The following ATG2B variants were observed in gnomAD, a reference collection of about 807,000 sequenced individuals.
ATG2B encodes the protein autophagy related 2B, also known as autophagy-related protein 2 homolog B.
Under a neutral mutation model 241.3 loss-of-function variants are expected in ATG2B, and 121 were observed. That is an observed-to-expected ratio of 0.50 (90% confidence interval 0.43 to 0.58). The LOEUF (loss-of-function observed/expected upper bound fraction) is 0.58, where lower values mean the gene tolerates loss of function less well. Ranked by LOEUF, ATG2B falls within the 20% of genes least tolerant of loss-of-function variation. ATG2B has a pLI of 0.00. For missense variants in ATG2B, 2,306 were observed against 2,491.6 expected, an observed-to-expected ratio of 0.93 and a Z score of 1.59; for synonymous variants, 858 against 876.6, an observed-to-expected ratio of 0.98 and a Z score of 0.37.
chr14:96,351,029 C>T (rs1437709980), intron 1 of ATG2B, among the ~76,000 whole-genome samples: 1 of 152,168 alleles, frequency 6.6e-6, no homozygotes, highest in African/African-American at 2.4e-5. Context: ...GCCAGCAGTA[C>T]ATTTTCTATC....
At chr14:96,352,642 AT>A (rs1888358455) in intron 1 of ATG2B, among the ~76,000 whole-genome samples, 1 of 151,752 alleles carries the variant, frequency 6.6e-6, no homozygotes, top group African/African-American at 2.4e-5. Context: ...ATACAAAAAA[AT>A]GCTTATAGCA....
Position 96,279,741 on chromosome 14 carries a change from C to T in ATG2B, c.*6014G>A, listed in dbSNP as rs1886148435. The T allele has an allele frequency of 6.6e-6, 1 of 152,304 alleles. No individual in the cohort carries two copies. Among genetic ancestry groups the T allele is most frequent in the Non-Finnish European group, 1.5e-5 (1 of 68,114 alleles). 9.4% of individuals were successfully genotyped at this position (152,304 alleles called of 1,614,324 possible). A position where few individuals can be genotyped will look rare whatever the true frequency, so the allele number is the denominator to read the frequency against. ...CTTGCCCCAGGCTGTGCATGATTTT[C>T]CCCAGGAGAGCTCTTAGCCCAGTGA... is the stretch of plus-strand genomic sequence containing the variant. On this transcript the variant is annotated 3_prime_UTR_variant, in exon 42 of 42. Transcript: ENST00000359933.
At chr14:96,347,088 A>G (rs1308650397) in intron 2 of ATG2B, 91 bp downstream of exon 2, 55 of 1,201,598 alleles carry the variant, frequency 4.6e-5, no homozygotes, top group Non-Finnish European at 6.0e-5. Flanking sequence ...CACAAATACA[A>G]AGCAAAAATA....
At chr14:96,353,575 G>A (rs1358305010) in intron 1 of ATG2B, among the ~76,000 whole-genome samples, 2 of 151,896 alleles carry the variant, frequency 1.3e-5, no homozygotes, top group Non-Finnish European at 1.5e-5. Context: ...GCAGAGAGCC[G>A]AGATTGTGCC....
chr14:96,340,069 TGTG>T (rs1887971553), intron 6 of ATG2B, among the ~76,000 whole-genome samples: 6 of 119,274 alleles, frequency 5.0e-5, no homozygotes, highest in African/African-American at 1.1e-4. Flanking sequence ...ATATGCTATA[TGTG>T]ATATGATATA....
chr14:96,301,229 C>A (rs1886780434), intron 34 of ATG2B, among the ~76,000 whole-genome samples: 1 of 152,176 alleles, frequency 6.6e-6, no homozygotes, highest in Non-Finnish European at 1.5e-5. Flanking sequence ...TTATGATACA[C>A]ATATTACTAT....
rs1387950126 is a variant in ATG2B, at chr14:96,280,069, TC to T, written c.*5685del. On this transcript the variant is annotated 3_prime_UTR_variant, in exon 42 of 42. Coordinates refer to ENST00000359933, the MANE Select transcript of ATG2B (RefSeq NM_018036.7). ...TCTTCCAGGTGGTGCTAACCCCTAC[TC>T]ACGGGCATGCAGAACTGAACCGCTG... The T allele has an allele frequency of 6.6e-6, 1 of 152,266 alleles. No individual in the cohort carries two copies. The highest frequency in any genetic ancestry group is 6.5e-5 in the Admixed American group (1 of 15,286). 9.4% of individuals were successfully genotyped at this position (152,266 alleles called of 1,614,324 possible).
intron 29 of ATG2B, among the ~76,000 whole-genome samples, chr14:96,307,603 C>T (rs979349482): frequency 1.3e-5 from 2 of 151,896 alleles, no homozygotes; most frequent in African/African-American, 2.4e-5. Flanking sequence ...ATAGGCGGAG[C>T]TCTGGAAGAA....
chr14:96,344,820 G>C, intron 3 of ATG2B, 64 bp from the exon 4 acceptor site: 2 of 667,292 alleles, frequency 3.0e-6, no homozygotes, highest in Non-Finnish European at 4.8e-6. Context: ...AACCTCCAAA[G>C]AAATAAATAA....
chr14:96,320,301 T>G (rs895298987), intron 18 of ATG2B, among the ~76,000 whole-genome samples: 1 of 152,158 alleles, frequency 6.6e-6, no homozygotes, highest in Non-Finnish European at 1.5e-5. Flanking sequence ...CTTGTATTTG[T>G]TACTTTTAAG....
At chr14:96,291,002 G>GTT in intron 38 of ATG2B, 67 bp from the exon 39 acceptor site, 4 of 1,315,768 alleles carry the variant, frequency 3.0e-6, no homozygotes, top group Non-Finnish European at 4.1e-6. Flanking sequence ...TAGTTTGAGG[G>GTT]TTTTTTTTTA....
At chr14:96,354,902 G>A (rs151084359) in intron 1 of ATG2B, among the ~76,000 whole-genome samples, 4 of 152,308 alleles carry the variant, frequency 2.6e-5, no homozygotes, top group African/African-American at 4.8e-5. Flanking sequence ...CAGTGATGTT[G>A]AGCTTTTTTT....
intron 3 of ATG2B, 64 bp from the exon 4 acceptor site, chr14:96,344,820 GAAAT>G (rs1388661961): frequency 1.5e-6 from 1 of 667,174 alleles, no homozygotes; most frequent in Non-Finnish European, 2.4e-6. Context: ...AACCTCCAAA[GAAAT>G]AAATAAGTAC....
At chr14:96,316,263 C>T (rs970425508) in intron 21 of ATG2B, among the ~76,000 whole-genome samples, 7 of 152,128 alleles carry the variant, frequency 4.6e-5, no homozygotes, top group Admixed American at 1.3e-4. Context: ...ACTATGGTGA[C>T]GGTTGCATAA....
Position 96,362,862 on chromosome 14 carries a change from G to C in ATG2B, c.115C>G (p.Leu39Val), listed in dbSNP as rs1471897858. The C allele has an allele frequency of 6.2e-7, 1 of 1,613,276 alleles. No individual in the cohort carries two copies. Among genetic ancestry groups the C allele is most frequent in the Non-Finnish European group, 8.5e-7 (1 of 1,179,942 alleles). ...KLSLEQLSLDLYQGTGSLAQV... is the reference protein window; with the variant it reads ...KLSLEQLSLDVYQGTGSLAQV... The stretch of plus-strand genomic sequence containing the variant: ...GCGAGGGACCCGGTGCCTTGGTACA[G>C]GTCCAGGCTGAGCTGCTCCAGGCTC... The change falls in exon 1 of 42, where the codon CTG becomes GTG. Residue 39 changes from leucine to valine, a missense_variant. By Grantham distance (32) the Leu-to-Val change is conservative. This residue lies in a region of ATG2B where 1,927 missense variants were observed against 2,011.2 expected (regional missense o/e 0.96). Coordinates refer to ENST00000359933, the MANE Select transcript of ATG2B (RefSeq NM_018036.7).
Position 96,325,626 on chromosome 14 carries a change from T to C in ATG2B, c.2437+23A>G, listed in dbSNP as rs200817355. 2,084 of 1,594,280 alleles carry C rather than the reference T, an allele frequency of 1.3e-3. 45 individuals are homozygous for C. The South Asian group carries it at 0.022, about 17-fold the overall frequency. On this transcript the variant is annotated intron_variant, in intron 15 of 41. Transcript: ENST00000359933. ...GTTGTTTGTTATCTAGGATGGTTCT[T>C]TTACAGGCACATTCAATCTTACCAA...
intron 1 of ATG2B, among the ~76,000 whole-genome samples, chr14:96,352,573 G>A (rs916486477): frequency 4.7e-5 from 7 of 150,526 alleles, no homozygotes; most frequent in Non-Finnish European, 8.9e-5. Flanking sequence ...CCTAGGCTGT[G>A]TTTTTTTGCG....
chr14:96,359,944 T>G lies in ATG2B; in HGVS notation c.162+2871A>C, dbSNP rs148084740. 6.6e-4 allele frequency among the ~76,000 whole-genome samples: 100 copies of G among 152,292 alleles called. No individual in the cohort carries two copies. In the East Asian group the frequency reaches 0.016, roughly 25 times the overall value. On this transcript the variant is annotated intron_variant, in intron 1 of 41. Coordinates refer to ENST00000359933, the MANE Select transcript of ATG2B (RefSeq NM_018036.7). ...CTGGCACCTTCCTTCAAGCCACATATCAAACTGGTACAAAGAGAAAACTAG... is the reference window on the plus strand; with the variant it reads ...CTGGCACCTTCCTTCAAGCCACATAGCAAACTGGTACAAAGAGAAAACTAG...
At chr14:96,338,100 T>C (rs548240704) in intron 6 of ATG2B, among the ~76,000 whole-genome samples, 11 of 152,226 alleles carry the variant, frequency 7.2e-5, no homozygotes, top group African/African-American at 2.4e-4. Flanking sequence ...TCACTGTTGG[T>C]GTATAGCACT....
Sources: gnomAD v4.1 joint callset for allele counts (sites outside exome capture counted in the v4.1 genomes callset) on GRCh38, gnomAD v4.1.1 for gene constraint, gnomAD v4.1.1 regional missense constraint, MANE v1.5 for transcripts, NCBI Gene and HGNC (gene_info 2026-07-23, HGNC 2026-07-21) for gene names.